Variants in AJAP1 observed in about 807,000 individuals in gnomAD.
The protein encoded by AJAP1 is adherens junctions associated protein 1, also known as adherens junction-associated protein 1.
In AJAP1, 5 loss-of-function variants were observed where a neutral mutation model predicts 35.0. The observed-to-expected ratio is 0.14, with a 90% CI of 0.07 to 0.30. AJAP1 has a LOEUF of 0.30. Among genes scored for constraint, AJAP1 ranks in the 10% least tolerant of loss-of-function variants. The probability of loss-of-function intolerance (pLI) is 1.00; values close to 1 mark genes in which losing one functional copy is unlikely to be tolerated. For missense variants in AJAP1, 586 were observed against 571.0 expected (o/e 1.03, Z -0.27); for synonymous variants, 284 against 249.3 (o/e 1.14, Z -1.31).
At chr1:4,676,205 G>A (rs1311143375) in intron 1 of AJAP1, among the ~76,000 whole-genome samples, 2 of 152,100 alleles carry the variant, frequency 1.3e-5, no homozygotes, top group African/African-American at 4.8e-5. Flanking sequence ...TGGGGCTAGT[G>A]TCTTAGTCAC....
At chr1:4,679,812 T>TGG in intron 1 of AJAP1, among the ~76,000 whole-genome samples, 1 of 66,722 alleles carries the variant, frequency 1.5e-5, no homozygotes, top group South Asian at 6.9e-4. Flanking sequence ...CAATAGGGTG[T>TGG]GTGTGTGTGT....
rs1228320567 is a variant in AJAP1 at position 4,787,881 on chromosome 1, C to T, written c.*5396C>T. ...AGCACTGAGCTCACTTAGTGGCATC[C>T]TTCTTAAACAGCATCTGCTTTTAAG... On this transcript the variant is annotated 3_prime_UTR_variant, in exon 6 of 6. Coordinates refer to ENST00000378191, the MANE Select transcript of AJAP1 (RefSeq NM_018836.4). 1 of 377,438 alleles carries T rather than the reference C, an allele frequency of 2.6e-6. No homozygotes were observed. The highest frequency in any genetic ancestry group is 5.4e-6 in the Non-Finnish European group (1 of 185,720). The allele number at this position is 377,438 out of a possible 1,614,324, so 23.4% of individuals were successfully genotyped here. A position where few individuals can be genotyped will look rare whatever the true frequency, so the allele number is the denominator to read the frequency against.
At position 4,787,876 on chromosome 1, in the gene AJAP1, G is replaced by A. The variant is rs1281475943; in HGVS notation, c.*5391G>A. The A allele has an allele frequency of 1.0e-5, 4 of 397,244 alleles. No individual in the cohort carries two copies. Among genetic ancestry groups the A allele is most frequent in the Admixed American group, 2.9e-5 (1 of 34,558 alleles). The allele number at this position is 397,244 out of a possible 1,614,324, so 24.6% of individuals were successfully genotyped here. A position where few individuals can be genotyped will look rare whatever the true frequency, so the allele number is the denominator to read the frequency against. On this transcript the variant is annotated 3_prime_UTR_variant, in exon 6 of 6. Coordinates refer to ENST00000378191, the MANE Select transcript of AJAP1 (RefSeq NM_018836.4). ...CCCCCAGCACTGAGCTCACTTAGTGGCATCCTTCTTAAACAGCATCTGCTT... is the reference window on the plus strand; with the variant it reads ...CCCCCAGCACTGAGCTCACTTAGTGACATCCTTCTTAAACAGCATCTGCTT...
intron 1 of AJAP1, among the ~76,000 whole-genome samples, chr1:4,698,170 G>C (rs1365521498): frequency 6.6e-6 from 1 of 152,290 alleles, no homozygotes; most frequent in Middle Eastern, 3.4e-3. Context: ...CCGTGCCAGC[G>C]TGTTTCCCCG....
chr1:4,718,851 C>T (rs985011592), intron 2 of AJAP1, among the ~76,000 whole-genome samples: 2 of 152,056 alleles, frequency 1.3e-5, no homozygotes, highest in Admixed American at 1.3e-4. Flanking sequence ...TGGAGAGGTG[C>T]CTTTACTTGT....
At position 4,734,996 on chromosome 1, in the gene AJAP1, C is replaced by T. The variant is rs989031512; in HGVS notation, c.829+22297C>T. On this transcript the variant is annotated intron_variant, in intron 2 of 5. Transcript: ENST00000378191. This position sits in a 1 kb window ranked among gnomAD's most constrained non-coding sequence, Gnocchi z 4.3. ...GTGATGGAGCTCAGCCTGCAGCAGC[C>T]GTCTTCACCTCAACTTCCCTGGGAG... is the stretch of plus-strand genomic sequence containing the variant. Among the ~76,000 whole-genome samples, 2 of 152,242 alleles carry T rather than the reference C, an allele frequency of 1.3e-5. No individual in the cohort carries two copies. The highest frequency in any genetic ancestry group is 4.8e-5 in the African/African-American group (2 of 41,458).
At position 4,754,353 on chromosome 1, in the gene AJAP1, T is replaced by G. The variant is rs949365366; in HGVS notation, c.830-15500T>G. On this transcript the variant is annotated intron_variant, in intron 2 of 5. Transcript: ENST00000378191. ...TGTAAAACCTAAGCTATTGACTCTC[T>G]GGCCCTTTGCAGGAAAAGTTTGCCA... is the stretch of plus-strand genomic sequence containing the variant. Among the ~76,000 whole-genome samples the G allele has an allele frequency of 5.3e-5, 8 of 152,238 alleles. No individual in the cohort carries two copies. In the South Asian group the frequency reaches 1.4e-3, roughly 28 times the overall value.
At position 4,692,014 on chromosome 1, in the gene AJAP1, G is replaced by C. The variant is rs1639750589; in HGVS notation, c.30-19886G>C. Among the ~76,000 whole-genome samples, 1 of 152,150 alleles carries C rather than the reference G, an allele frequency of 6.6e-6. No individual in the cohort carries two copies. The highest frequency in any genetic ancestry group is 2.4e-5 in the African/African-American group (1 of 41,444). On this transcript the variant is annotated intron_variant, in intron 1 of 5. Coordinates refer to ENST00000378191, the MANE Select transcript of AJAP1 (RefSeq NM_018836.4). The surrounding 1 kb of genome is among the most constrained non-coding windows in gnomAD (Gnocchi z 4.4). ...ACGGGGTTGGAGGGAGCCAAGAACA[G>C]CCTTTGCCCCAGGCCGGGTGTCCCT...
intron 1 of AJAP1, among the ~76,000 whole-genome samples, chr1:4,670,006 T>A (rs539080894): frequency 6.6e-6 from 1 of 152,306 alleles, no homozygotes; most frequent in Non-Finnish European, 1.5e-5. Context: ...ATTTGTGTGA[T>A]CTTTGGAAGT....
intron 2 of AJAP1, among the ~76,000 whole-genome samples, chr1:4,745,902 T>C (rs182933158): frequency 1.0e-3 from 158 of 152,310 alleles, no homozygotes; most frequent in African/African-American, 3.7e-3. Flanking sequence ...GCTCTGCCAC[T>C]GACCAGACTG....
At chr1:4,780,427 A>G (rs1467932964) in intron 5 of AJAP1, among the ~76,000 whole-genome samples, 1 of 151,954 alleles carries the variant, frequency 6.6e-6, no homozygotes, top group Non-Finnish European at 1.5e-5. Flanking sequence ...AAAAATTACC[A>G]AGATGGACAT....
At chr1:4,686,901 C>T (rs1473954696) in intron 1 of AJAP1, among the ~76,000 whole-genome samples, 1 of 152,216 alleles carries the variant, frequency 6.6e-6, no homozygotes, top group East Asian at 1.9e-4. Flanking sequence ...ATGTCAACCT[C>T]CAAGCAAAGG....
chr1:4,778,434 G>A (rs1050799391), intron 5 of AJAP1, among the ~76,000 whole-genome samples: 4 of 152,174 alleles, frequency 2.6e-5, no homozygotes, highest in African/African-American at 9.7e-5. Context: ...CAGAGTTTTG[G>A]CAGAGCATGG....
In AJAP1 at chr1:4,768,794, G is replaced by A. The variant is rs368817461; in HGVS notation, c.830-1059G>A. On this transcript the variant is annotated intron_variant, in intron 2 of 5. Transcript: ENST00000378191. Reference sequence around the variant, plus strand: ...TCTCAGGTGCTAAAGTGGACCTTCCGAGTAGCCCTGGCTGGTTGGTAATGT... The same window carrying A: ...TCTCAGGTGCTAAAGTGGACCTTCCAAGTAGCCCTGGCTGGTTGGTAATGT... Among the ~76,000 whole-genome samples the A allele has an allele frequency of 1.1e-4, 17 of 152,302 alleles. No homozygotes were observed. The South Asian group carries it at 2.1e-3, about 19-fold the overall frequency.
intron 2 of AJAP1, among the ~76,000 whole-genome samples, chr1:4,730,025 C>G (rs1009353252): frequency 1.3e-5 from 2 of 152,164 alleles, no homozygotes; most frequent in African/African-American, 2.4e-5. Context: ...AGAGCAATGA[C>G]CCCCACGCAA....
At chr1:4,669,013 A>C (rs1054741864) in intron 1 of AJAP1, among the ~76,000 whole-genome samples, 5 of 152,242 alleles carry the variant, frequency 3.3e-5, no homozygotes, top group African/African-American at 1.2e-4. Flanking sequence ...AGACAACAGG[A>C]AGGAGTCAGA....
chr1:4,674,544 C>T (rs1033502210), intron 1 of AJAP1, among the ~76,000 whole-genome samples: 1 of 152,230 alleles, frequency 6.6e-6, no homozygotes, highest in African/African-American at 2.4e-5. Flanking sequence ...GAGGTCAGTG[C>T]AGAAGCAGAA....
chr1:4,690,224 G>A (rs1315301448), intron 1 of AJAP1, among the ~76,000 whole-genome samples: 1 of 152,194 alleles, frequency 6.6e-6, no homozygotes, highest in Admixed American at 6.5e-5. Context: ...GAGGTTTGTG[G>A]CCTCTGAAGT....
chr1:4,745,210 G>A (rs1330247128), intron 2 of AJAP1, among the ~76,000 whole-genome samples: 1 of 152,212 alleles, frequency 6.6e-6, no homozygotes, highest in Non-Finnish European at 1.5e-5. Context: ...AAGGCCTGGA[G>A]TTTGCTGGAG....
Sources: gnomAD v4.1 joint callset for allele counts (sites outside exome capture counted in the v4.1 genomes callset) on GRCh38, gnomAD v4.1.1 for gene constraint, Gnocchi (gnomAD v3.1) non-coding constraint, MANE v1.5 for transcripts, NCBI Gene and HGNC (gene_info 2026-07-23, HGNC 2026-07-21) for gene names.